Variants in LMBR1 observed in about 807,000 individuals in gnomAD.
LMBR1 encodes the protein limb development membrane protein 1.
Under a neutral mutation model 73.9 loss-of-function variants are expected in LMBR1, and 52 were observed. The ratio of observed to expected loss-of-function variants is 0.70; its 90% CI spans 0.56 to 0.89. The LOEUF (loss-of-function observed/expected upper bound fraction) is 0.89. LMBR1 is among the 40% of genes least tolerant of loss of function. LMBR1 has a pLI of 0.00. For synonymous variants in LMBR1, 215 were observed against 209.4 expected, an observed-to-expected ratio of 1.03 and a Z score of -0.23; for missense variants, 539 against 579.8, an observed-to-expected ratio of 0.93 and a Z score of 0.72.
chr7:156,695,255 C>T (rs764051593), intron 15 of LMBR1, among the ~76,000 whole-genome samples: 2 of 152,192 alleles, frequency 1.3e-5, no homozygotes, highest in African/African-American at 2.4e-5. Flanking sequence ...GCCACAATGA[C>T]TTAAAATCAT....
At chr7:156,738,361 C>T (rs191573196) in intron 9 of LMBR1, among the ~76,000 whole-genome samples, 1 of 152,340 alleles carries the variant, frequency 6.6e-6, no homozygotes, top group East Asian at 1.9e-4. Flanking sequence ...CTCACCACAA[C>T]GGGCTACAGT....
downstream of LMBR1, chr7:156,676,460 C>T (rs1011946153): frequency 6.2e-7 from 1 of 1,613,972 alleles, no homozygotes; most frequent in African/African-American, 1.3e-5. Flanking sequence ...TCTGCCTGGC[C>T]CCTCTCTCCG....
intron 15 of LMBR1, among the ~76,000 whole-genome samples, chr7:156,691,505 A>C (rs1219343344): frequency 6.6e-6 from 1 of 152,198 alleles, no homozygotes; most frequent in Non-Finnish European, 1.5e-5. Context: ...AATATGAGTC[A>C]ATAGAATTTA....
rs71189962 is a variant in LMBR1, at chr7:156,806,598, CTTTTTTTTTTTT to C, written c.320-10118_320-10107del. Among the ~76,000 whole-genome samples the C allele has an allele frequency of 6.5e-4, 29 of 44,672 alleles. No homozygotes were observed. In the East Asian group the frequency reaches 8.0e-3, roughly 12 times the overall value. The allele number at this position is 44,672 out of a possible 152,430, so 29.3% of individuals were successfully genotyped here. A position where few individuals can be genotyped will look rare whatever the true frequency, so the allele number is the denominator to read the frequency against. ...GTTATCAGTAGGTTTTTTGTAGATG[CTTTTTTTTTTTT>C]TTTTTTTTTTTTTTTTTGAGACGGA... On this transcript the variant is annotated intron_variant, in intron 4 of 16. Transcript: ENST00000353442.
At chr7:156,853,655 T>A (rs969901527) in intron 1 of LMBR1, among the ~76,000 whole-genome samples, 1 of 152,070 alleles carries the variant, frequency 6.6e-6, no homozygotes, top group Non-Finnish European at 1.5e-5. Context: ...AATAAAGCTT[T>A]TGTTTGTTTT....
intron 2 of LMBR1, among the ~76,000 whole-genome samples, chr7:156,834,092 G>C (rs927773186): frequency 6.6e-6 from 1 of 152,008 alleles, no homozygotes; most frequent in Non-Finnish European, 1.5e-5. Context: ...CCACTACAAA[G>C]TAAATTATTA....
intron 3 of LMBR1, among the ~76,000 whole-genome samples, chr7:156,831,759 A>G (rs1326301701): frequency 2.0e-5 from 3 of 152,300 alleles, no homozygotes; most frequent in East Asian, 1.9e-4. Flanking sequence ...TTGTCATTCA[A>G]TGTACTTTTA....
intron 15 of LMBR1, among the ~76,000 whole-genome samples, chr7:156,700,406 G>A (rs1377430335): frequency 7.3e-5 from 1 of 13,708 alleles, no homozygotes; most frequent in Non-Finnish European, 1.2e-4. Context: ...GTGGGAGGAG[G>A]GGGGGAGGGA....
chr7:156,892,631 C>A (rs1803277605), intron 1 of LMBR1: 1 of 282,954 alleles, frequency 3.5e-6, no homozygotes, highest in Admixed American at 5.4e-5. Flanking sequence ...ACCGAGGCCG[C>A]GGGGCGGGGG....
chr7:156,870,111 C>T (rs1012136787), intron 1 of LMBR1, among the ~76,000 whole-genome samples: 2 of 152,194 alleles, frequency 1.3e-5, no homozygotes, highest in South Asian at 2.1e-4. Context: ...GGTAGAATAA[C>T]GATTGGAGAC....
chr7:156,707,914 T>A (rs1307966654), intron 15 of LMBR1, among the ~76,000 whole-genome samples: 1 of 152,088 alleles, frequency 6.6e-6, no homozygotes, highest in Non-Finnish European at 1.5e-5. Context: ...TCGTTCATGA[T>A]ATGATCTTAT....
rs1452292117 is a variant in LMBR1, at chr7:156,762,094, T to C, written c.684+40A>G. On this transcript the variant is annotated intron_variant, in intron 8 of 16. Transcript: ENST00000353442. The stretch of plus-strand genomic sequence containing the variant: ...TCAAAGACAATCAAATGTAAACACA[T>C]TTATTTAATAAACAAAATGATTTAT... 6.0e-6 allele frequency: 7 copies of C among 1,161,470 alleles called. 1 individual carries two copies. The highest frequency in any genetic ancestry group is 5.1e-5 in the South Asian group (4 of 78,224). 71.9% of individuals were successfully genotyped at this position (1,161,470 alleles called of 1,614,324 possible).
At chr7:156,801,441 T>G (rs888489034) in intron 4 of LMBR1, among the ~76,000 whole-genome samples, 1 of 152,234 alleles carries the variant, frequency 6.6e-6, no homozygotes, top group Non-Finnish European at 1.5e-5. Flanking sequence ...AAAATTTGTG[T>G]GATTCACTTT....
intron 1 of LMBR1, among the ~76,000 whole-genome samples, chr7:156,891,117 G>T (rs866154111): frequency 6.1e-5 from 9 of 148,412 alleles, no homozygotes; most frequent in Non-Finnish European, 1.2e-4. Context: ...CTTGAATCCC[G>T]GAGGCAGAGG....
At chr7:156,850,123 T>G (rs1398476300) in intron 1 of LMBR1, among the ~76,000 whole-genome samples, 1 of 152,204 alleles carries the variant, frequency 6.6e-6, no homozygotes, top group East Asian at 1.9e-4. Context: ...TCAAAAGTGA[T>G]CAGGTCATGA....
intron 15 of LMBR1, among the ~76,000 whole-genome samples, chr7:156,715,830 T>C (rs1343525916): frequency 2.6e-5 from 4 of 152,232 alleles, no homozygotes; most frequent in Admixed American, 6.5e-5. Flanking sequence ...CATCCAACGA[T>C]GGACACTTTG....
At chr7:156,731,268 A>T (rs1816783769) in intron 10 of LMBR1, among the ~76,000 whole-genome samples, 1 of 152,136 alleles carries the variant, frequency 6.6e-6, no homozygotes, top group Non-Finnish European at 1.5e-5. Context: ...ATAAATACAG[A>T]AAAGAATATA....
intron 9 of LMBR1, among the ~76,000 whole-genome samples, chr7:156,743,152 G>A (rs1424738296): frequency 6.6e-6 from 1 of 152,140 alleles, no homozygotes; most frequent in African/African-American, 2.4e-5. Context: ...CTCTTATGAA[G>A]TAGCTCACTC....
At position 156,683,479 on chromosome 7, in the gene LMBR1, CAA is replaced by C. The variant is rs1805398151; in HGVS notation, c.*597_*598del. 1 of 152,772 alleles carries C rather than the reference CAA, an allele frequency of 6.5e-6. No individual in the cohort carries two copies. The highest frequency in any genetic ancestry group is 2.4e-5 in the African/African-American group (1 of 41,588). The allele number at this position is 152,772 out of a possible 1,614,324, so 9.5% of individuals were successfully genotyped here. On this transcript the variant is annotated 3_prime_UTR_variant, in exon 17 of 17. Coordinates refer to ENST00000353442, the MANE Select transcript of LMBR1 (RefSeq NM_022458.4). The stretch of plus-strand genomic sequence containing the variant: ...AGAATTTAGTATTTTCCCCTTGGCT[CAA>C]AGTCTAATCAGTATCATTCTATAAC...
Sources: gnomAD v4.1 joint callset for allele counts (sites outside exome capture counted in the v4.1 genomes callset) on GRCh38, gnomAD v4.1.1 for gene constraint, MANE v1.5 for transcripts, NCBI Gene and HGNC (gene_info 2026-07-23, HGNC 2026-07-21) for gene names.